Variants in XKR4 observed in about 807,000 individuals in gnomAD.
XKR4 encodes XK-related protein 4.
A neutral mutation model predicts 53.9 loss-of-function variants in XKR4; 12 were observed. The observed-to-expected ratio is 0.22, with a 90% CI of 0.14 to 0.36. The LOEUF is 0.36. Ranked by LOEUF, XKR4 falls within the 10% of genes least tolerant of loss-of-function variation. XKR4 has a pLI of 1.00. For missense variants in XKR4, 799 were observed against 859.5 expected (o/e 0.93, Z 0.88); for synonymous variants, 354 against 362.4 (o/e 0.98, Z 0.26).
intron 2 of XKR4, among the ~76,000 whole-genome samples, chr8:55,392,604 AAT>A (rs1027854356): frequency 3.9e-5 from 6 of 152,148 alleles, no homozygotes; most frequent in African/African-American, 1.4e-4. Context: ...CAGCCTGGAC[AAT>A]ATAGCCAAAC....
intron 2 of XKR4, among the ~76,000 whole-genome samples, chr8:55,491,020 T>C (rs1263138495): frequency 6.6e-6 from 1 of 152,226 alleles, no homozygotes; most frequent in East Asian, 1.9e-4. Flanking sequence ...GATGGGTTTT[T>C]CCAGCCTTTT....
chr8:55,470,933 T>C (rs1805870395), intron 2 of XKR4, among the ~76,000 whole-genome samples: 1 of 152,112 alleles, frequency 6.6e-6, no homozygotes, highest in Admixed American at 6.5e-5. Context: ...TGAATCACAC[T>C]ATAATCCTCA....
intron 1 of XKR4, among the ~76,000 whole-genome samples, chr8:55,239,641 C>T (rs1380001588): frequency 6.6e-6 from 1 of 152,170 alleles, no homozygotes; most frequent in Non-Finnish European, 1.5e-5. Context: ...TGCCCTGTAA[C>T]TGTTCTCATG....
chr8:55,104,769 C>G (rs149347866), intron 1 of XKR4, among the ~76,000 whole-genome samples: 3 of 151,870 alleles, frequency 2.0e-5, no homozygotes, highest in South Asian at 4.2e-4. Flanking sequence ...ATTTTGGACT[C>G]AAAGTAACTT....
At chr8:55,161,230 C>T (rs559801657) in intron 1 of XKR4, among the ~76,000 whole-genome samples, 3 of 152,200 alleles carry the variant, frequency 2.0e-5, no homozygotes, top group Non-Finnish European at 4.4e-5. Flanking sequence ...ATAGATACCA[C>T]ACAGGTGCAA....
intron 2 of XKR4, among the ~76,000 whole-genome samples, chr8:55,462,701 C>A (rs530410396): frequency 8.5e-5 from 13 of 152,244 alleles, no homozygotes; most frequent in African/African-American, 3.1e-4. Flanking sequence ...AGAGTCAAGA[C>A]CCATCGGTGT....
intron 1 of XKR4, among the ~76,000 whole-genome samples, chr8:55,137,425 T>A (rs893333489): frequency 1.3e-5 from 2 of 152,170 alleles, no homozygotes; most frequent in African/African-American, 4.8e-5. Flanking sequence ...AAGAGGAATC[T>A]AAAGAATAGC....
chr8:55,236,455 G>A (rs1241911013), intron 1 of XKR4, among the ~76,000 whole-genome samples: 1 of 152,128 alleles, frequency 6.6e-6, no homozygotes, highest in East Asian at 1.9e-4. Context: ...CCAAATGCAG[G>A]TGTGAAGGGA....
chr8:55,480,463 T>C (rs535407149), intron 2 of XKR4, among the ~76,000 whole-genome samples: 12 of 152,046 alleles, frequency 7.9e-5, no homozygotes, highest in Admixed American at 2.6e-4. Context: ...TGGGCAAAAA[T>C]TGGAAGCATT....
At chr8:55,445,291 T>G (rs1805330112) in intron 2 of XKR4, among the ~76,000 whole-genome samples, 1 of 152,066 alleles carries the variant, frequency 6.6e-6, no homozygotes, top group South Asian at 2.1e-4. Flanking sequence ...TCTCCTGACC[T>G]CGTGATCCAC....
chr8:55,165,487 A>AGCCC (rs1265862009), intron 1 of XKR4, among the ~76,000 whole-genome samples: 19 of 152,316 alleles, frequency 1.2e-4, no homozygotes, highest in Non-Finnish European at 2.2e-4. Context: ...CATGAAATAT[A>AGCCC]TTTCAAAAAG....
intron 1 of XKR4, among the ~76,000 whole-genome samples, chr8:55,159,700 C>T (rs541540075): frequency 6.6e-6 from 1 of 152,152 alleles, no homozygotes; most frequent in East Asian, 1.9e-4. Flanking sequence ...CAAAAAAAGG[C>T]AAGATAAGAT....
chr8:55,277,751 G>A lies in XKR4; in HGVS notation c.807-79927G>A, dbSNP rs778780447. 3.6e-4 allele frequency among the ~76,000 whole-genome samples: 55 copies of A among 152,216 alleles called. 2 individuals carry two copies. In the Middle Eastern group the frequency reaches 0.01, roughly 28 times the overall value. Reference sequence around the variant, plus strand: ...CACATATCTCCTCAAACACTTCTGGGTTGTGGAATAAGACTACAGAGGGAG... The same window carrying A: ...CACATATCTCCTCAAACACTTCTGGATTGTGGAATAAGACTACAGAGGGAG... On this transcript the variant is annotated intron_variant, in intron 1 of 2. Coordinates refer to ENST00000327381, the MANE Select transcript of XKR4 (RefSeq NM_052898.2).
chr8:55,357,322 C>T (rs1803833234), intron 1 of XKR4, among the ~76,000 whole-genome samples: 1 of 152,192 alleles, frequency 6.6e-6, no homozygotes. Context: ...GAAATCCCCT[C>T]ATGAACACCG....
At chr8:55,192,757 T>C (rs1351117769) in intron 1 of XKR4, among the ~76,000 whole-genome samples, 1 of 151,992 alleles carries the variant, frequency 6.6e-6, no homozygotes, top group East Asian at 1.9e-4. Context: ...CAAATGGGGG[T>C]GAGAACACAT....
chr8:55,210,863 T>C (rs1817721243), intron 1 of XKR4, among the ~76,000 whole-genome samples: 1 of 152,242 alleles, frequency 6.6e-6, no homozygotes, highest in Non-Finnish European at 1.5e-5. Context: ...TGTGCATTTC[T>C]GGTAGTTCCA....
chr8:55,154,616 A>G (rs932733018), intron 1 of XKR4, among the ~76,000 whole-genome samples: 2 of 152,292 alleles, frequency 1.3e-5, no homozygotes, highest in Admixed American at 1.3e-4. Flanking sequence ...GACTTTGACA[A>G]CATTCTTTGT....
intron 1 of XKR4, among the ~76,000 whole-genome samples, chr8:55,209,283 G>A (rs1419433274): frequency 6.6e-6 from 1 of 151,956 alleles, no homozygotes; most frequent in African/African-American, 2.4e-5. Flanking sequence ...ACTGAGCTCA[G>A]TGCTTTACAC....
chr8:55,247,861 T>TCTTTCTTTCTTTCC (rs1554572242), intron 1 of XKR4, among the ~76,000 whole-genome samples: 2 of 107,968 alleles, frequency 1.9e-5, no homozygotes, highest in East Asian at 6.1e-4. Flanking sequence ...CTTTCTTTTT[T>TCTTTCTTTCTTTCC]TTTTTTTTTT....
Sources: gnomAD v4.1 joint callset for allele counts (sites outside exome capture counted in the v4.1 genomes callset) on GRCh38, gnomAD v4.1.1 for gene constraint, MANE v1.5 for transcripts, NCBI Gene and HGNC (gene_info 2026-07-23, HGNC 2026-07-21) for gene names.